The following CAMTA2 variants were observed in gnomAD, a reference collection of about 807,000 sequenced individuals.
CAMTA2 encodes calmodulin binding transcription activator 2.
A neutral mutation model predicts 135.7 loss-of-function variants in CAMTA2; 56 were observed. The ratio of observed to expected loss-of-function variants is 0.41; its 90% CI spans 0.33 to 0.52. The LOEUF (loss-of-function observed/expected upper bound fraction) is 0.52. Ranked by LOEUF, CAMTA2 falls within the 20% of genes least tolerant of loss-of-function variation. The pLI is 0.16. For missense variants in CAMTA2, 1,358 were observed against 1,553.4 expected (o/e 0.87, Z 2.11); for synonymous variants, 591 against 604.6 (o/e 0.98, Z 0.33).
At chr17:4,972,644 G>T in intron 15 of CAMTA2, 108 bp from the exon 16 acceptor site, 1 of 1,436,660 alleles carries the variant, frequency 7.0e-7, no homozygotes, top group Non-Finnish European at 9.8e-7. Flanking sequence ...TCTTGCTTCT[G>T]TTATCTCCCA....
rs985226374 is a variant in CAMTA2, at chr17:4,985,023, A to AC, written c.135+856_135+857insG. On this transcript the variant is annotated intron_variant, in intron 3 of 22. Coordinates refer to ENST00000348066, the MANE Select transcript of CAMTA2 (RefSeq NM_015099.4). ...CAGAGCGAGACTCCATCTCAAAAAA[A>AC]AAACAAACAAAAATTAGCCGGGCGT... Among the ~76,000 whole-genome samples, 5 of 125,828 alleles carry AC rather than the reference A, an allele frequency of 4.0e-5. 1 individual carries two copies. Among genetic ancestry groups the AC allele is most frequent in the African/African-American group, 1.3e-4 (5 of 37,408 alleles). The allele number at this position is 125,828 out of a possible 152,430, so 82.5% of individuals were successfully genotyped here. A position where few individuals can be genotyped will look rare whatever the true frequency, so the allele number is the denominator to read the frequency against.
Position 4,969,311 on chromosome 17 carries a change from C to G in CAMTA2, c.3309G>C (p.Gln1103His). The G allele has an allele frequency of 1.2e-6, 2 of 1,613,996 alleles. No homozygotes were observed. The highest frequency in any genetic ancestry group is 1.7e-6 in the Non-Finnish European group (2 of 1,179,994). ...ACTTGCTCTGGATCAGGATGGCCGC[C>G]TGGGTCATCTTCTTATAGAGTGCAA... ...LKFALYKKMT[Q>H]AAILIQSKFR... The change falls in exon 21 of 23, where the codon CAG becomes CAC. Residue 1103 changes from glutamine (Q) to histidine (H), a missense_variant. Around this residue, in one of 4 missense-constraint regions of CAMTA2, gnomAD observed 167 missense variants for 207.0 expected, o/e 0.81. Coordinates refer to ENST00000348066, the MANE Select transcript of CAMTA2 (RefSeq NM_015099.4). The surrounding 1 kb of genome is among the most constrained non-coding windows in gnomAD (Gnocchi z 5.6).
At chr17:4,986,839 C>T (rs1404234044) in intron 1 of CAMTA2, 6 of 819,540 alleles carry the variant, frequency 7.3e-6, no homozygotes, top group Non-Finnish European at 1.2e-5. Flanking sequence ...AGAATCTGGG[C>T]CAGACACCCA....
chr17:4,980,391 G>C lies in CAMTA2; in HGVS notation c.931C>G (p.Pro311Ala). 1 of 1,614,074 alleles carries C rather than the reference G, an allele frequency of 6.2e-7. No homozygotes were observed. Among genetic ancestry groups the C allele is most frequent in the Non-Finnish European group, 8.5e-7 (1 of 1,179,990 alleles). ...FAEPLEIRPS[P>A]PTSRGGSSRG... ...GAAGAACCCCCTCGAGAAGTGGGAGGGCTAGGTCTGATTTCTAGGGGCTCT... is the reference window on the plus strand; with the variant it reads ...GAAGAACCCCCTCGAGAAGTGGGAGCGCTAGGTCTGATTTCTAGGGGCTCT... Residue 311 changes from proline (P) to alanine (A), a missense_variant, in exon 9 of 23, where the codon CCT (proline) becomes GCT (alanine). By Grantham distance (27) the Pro-to-Ala change is conservative. This residue lies in a region of CAMTA2 where 1,077 missense variants were observed against 1,127.5 expected (regional missense o/e 0.96). Coordinates refer to ENST00000348066, the MANE Select transcript of CAMTA2 (RefSeq NM_015099.4). This position sits in a 1 kb window ranked among gnomAD's most constrained non-coding sequence, Gnocchi z 5.3.
rs1973247439 is a variant in CAMTA2, at chr17:4,985,895, C to A, written c.120G>T (p.Arg40=). The change falls in exon 3 of 23, where the codon CGG becomes CGT. Residue 40 remains arginine, a synonymous_variant. Coordinates refer to ENST00000348066, the MANE Select transcript of CAMTA2 (RefSeq NM_015099.4). ...RCPLLPPERL[R]WNTNEEIASY... ...CCTAGAAAACCTCATTTGTATTCCA[C>A]CGTAGCCTCTCTGGAGGCAGCAGCG... is the stretch of plus-strand genomic sequence containing the variant. The A allele has an allele frequency of 6.2e-7, 1 of 1,613,274 alleles. No individual in the cohort carries two copies. Among genetic ancestry groups the A allele is most frequent in the African/African-American group, 1.3e-5 (1 of 75,018 alleles).
rs1972945498 is a variant in CAMTA2 at position 4,981,272 on chromosome 17, G to A, written c.653C>T (p.Thr218Ile). The A allele has an allele frequency of 6.2e-7, 1 of 1,614,036 alleles. No homozygotes were observed. The highest frequency in any genetic ancestry group is 8.5e-7 in the Non-Finnish European group (1 of 1,180,018). The stretch of plus-strand genomic sequence containing the variant: ...GGCGTGGGTTCGGGGAGCAGGCTTG[G>A]TTGGGTGGGTGTCCAAAATCTGCTG... Reference protein sequence around the residue: ...LVQQILDTHPTKPAPRTHACL... With the variant: ...LVQQILDTHPIKPAPRTHACL... The change falls in exon 8 of 23, where the codon ACC becomes ATC. Residue 218 changes from threonine (T) to isoleucine (I), a missense_variant. Coordinates refer to ENST00000348066, the MANE Select transcript of CAMTA2 (RefSeq NM_015099.4).
chr17:4,969,444 A>T lies in CAMTA2; in HGVS notation c.3282+56T>A. ...ATGCAAGACTCTCTGTAACCCACAC[A>T]CTCAAGGAAAGACTGAATCATCACA... On this transcript the variant is annotated intron_variant, in intron 20 of 22. Transcript: ENST00000348066. This position sits in a 1 kb window ranked among gnomAD's most constrained non-coding sequence, Gnocchi z 5.6. 2 of 1,611,074 alleles carry T rather than the reference A, an allele frequency of 1.2e-6. No individual in the cohort carries two copies. The highest frequency in any genetic ancestry group is 1.1e-5 in the South Asian group (1 of 91,018).
At chr17:4,979,642 A>G in intron 9 of CAMTA2, 42 bp downstream of exon 9, 1 of 1,418,790 alleles carries the variant, frequency 7.0e-7, no homozygotes. Context: ...GAGTCAGAAG[A>G]CAAATAGGAG....
Position 4,968,065 on chromosome 17 carries a change from G to GC in CAMTA2, c.*690dup, listed in dbSNP as rs2151151733. ...TGCACAAGTAGAAAGTGCCCGTGGA[G>GC]CCGGCAGGAGGCCCCCGCCGCGCTA... On this transcript the variant is annotated 3_prime_UTR_variant, in exon 23 of 23. Coordinates refer to ENST00000348066, the MANE Select transcript of CAMTA2 (RefSeq NM_015099.4). 2 of 511,092 alleles carry GC rather than the reference G, an allele frequency of 3.9e-6. No homozygotes were observed. The highest frequency in any genetic ancestry group is 7.4e-5 in the Admixed American group (2 of 27,110). The allele number at this position is 511,092 out of a possible 1,614,324, so 31.7% of individuals were successfully genotyped here.
At chr17:4,971,726 T>A (rs1467209217) in intron 16 of CAMTA2, among the ~76,000 whole-genome samples, 1 of 148,432 alleles carries the variant, frequency 6.7e-6, no homozygotes, top group Non-Finnish European at 1.5e-5. Context: ...TCTCAGTCTG[T>A]CACCCAGGCT....
At position 4,969,833 on chromosome 17, in the gene CAMTA2, A is replaced by G; in HGVS notation, c.3189+69T>C. 3.1e-6 allele frequency: 5 copies of G among 1,597,372 alleles called. No homozygotes were observed. The highest frequency in any genetic ancestry group is 4.3e-6 in the Non-Finnish European group (5 of 1,167,382). On this transcript the variant is annotated intron_variant, in intron 18 of 22. Coordinates refer to ENST00000348066, the MANE Select transcript of CAMTA2 (RefSeq NM_015099.4). The surrounding 1 kb of genome is among the most constrained non-coding windows in gnomAD (Gnocchi z 5.6). ...TGTCTGCACGACTACTCATCCTCCA[A>G]AAGCCCTGGGAGCCCAGTCTCCCCT...
In CAMTA2 at chr17:4,987,644, A is replaced by ACT; in HGVS notation, c.-117_-116insAG. On this transcript the variant is annotated 5_prime_UTR_variant, in exon 1 of 23. Transcript: ENST00000348066. ...GCAGCGGCCATTCTACCCCACACCG[A>ACT]CCCCCCCCAGCGCCGGCTGACAGCG... is the stretch of plus-strand genomic sequence containing the variant. The ACT allele has an allele frequency of 6.7e-7, 1 of 1,501,382 alleles. No homozygotes were observed. Among genetic ancestry groups the ACT allele is most frequent in the African/African-American group, 1.4e-5 (1 of 69,500 alleles). The allele number at this position is 1,501,382 out of a possible 1,614,324, so 93.0% of individuals were successfully genotyped here. A position where few individuals can be genotyped will look rare whatever the true frequency, so the allele number is the denominator to read the frequency against.
Position 4,969,250 on chromosome 17 carries a change from T to G in CAMTA2, c.3370A>C (p.Ser1124Arg). 9 of 1,613,940 alleles carry G rather than the reference T, an allele frequency of 5.6e-6. No individual in the cohort carries two copies. Among genetic ancestry groups the G allele is most frequent in the Non-Finnish European group, 6.8e-6 (8 of 1,180,020 alleles). ...SYYEQKRFQQ[S>R]RRAAVLIQQH... Reference sequence around the variant, plus strand: ...TGGATGAGCACAGCCGCTCGGCGGCTCTGCTGAAATCGCTTCTGTTCATAG... The same window carrying G: ...TGGATGAGCACAGCCGCTCGGCGGCGCTGCTGAAATCGCTTCTGTTCATAG... The change falls in exon 21 of 23, where the codon AGC becomes CGC. Residue 1124 changes from serine (S) to arginine (R), a missense_variant. Ser to Arg is a moderately radical substitution (Grantham distance 110, BLOSUM62 -1). This residue lies in a region of CAMTA2 where 167 missense variants were observed against 207.0 expected (regional missense o/e 0.81). Coordinates refer to ENST00000348066, the MANE Select transcript of CAMTA2 (RefSeq NM_015099.4). This position sits in a 1 kb window ranked among gnomAD's most constrained non-coding sequence, Gnocchi z 5.6.
In CAMTA2 at chr17:4,975,234, A is replaced by G. The variant is rs181142376; in HGVS notation, c.1901-734T>C. On this transcript the variant is annotated intron_variant, in intron 11 of 22. Coordinates refer to ENST00000348066, the MANE Select transcript of CAMTA2 (RefSeq NM_015099.4). The stretch of plus-strand genomic sequence containing the variant: ...CGGTGAAGGTTGGAGATGTTCTGAG[A>G]TGCCAGGATAGAAGGGGATGAAGGT... 9.6e-4 allele frequency among the ~76,000 whole-genome samples: 146 copies of G among 152,240 alleles called. 1 individual carries two copies. The highest frequency in any genetic ancestry group is 3.4e-3 in the African/African-American group (142 of 41,518).
At chr17:4,974,556 A>G in intron 11 of CAMTA2, 56 bp from the exon 12 acceptor site, 1 of 1,040,836 alleles carries the variant, frequency 9.6e-7, no homozygotes, top group Non-Finnish European at 1.5e-6. Flanking sequence ...TGCCCTGAAC[A>G]CCAAAAGTAG....
intron 9 of CAMTA2, 62 bp downstream of exon 9, chr17:4,979,622 T>C (rs921119362): frequency 5.8e-6 from 7 of 1,206,954 alleles, no homozygotes; most frequent in Non-Finnish European, 8.4e-6. Context: ...TTAATACAAT[T>C]TGTTTTGGGG....
At chr17:4,984,888 G>A (rs890072488) in intron 3 of CAMTA2, among the ~76,000 whole-genome samples, 7 of 152,120 alleles carry the variant, frequency 4.6e-5, no homozygotes, top group South Asian at 2.1e-4. Context: ...GTGTGGTGGC[G>A]TGCCTGTAGT....
At chr17:4,986,038 T>C in intron 2 of CAMTA2, 55 bp from the exon 3 acceptor site, 1 of 1,342,136 alleles carries the variant, frequency 7.5e-7, no homozygotes, top group Non-Finnish European at 1.1e-6. Flanking sequence ...ATCCCTGTGA[T>C]AGTCCAAGGG....
At chr17:4,986,589 C>CT (rs1247043989) in intron 1 of CAMTA2, 1 of 511,626 alleles carries the variant, frequency 2.0e-6, no homozygotes, top group Non-Finnish European at 3.4e-6. Flanking sequence ...TTTGCACAGA[C>CT]TGGGGCTATG....
Sources: allele counts gnomAD v4.1 joint callset (sites outside exome capture counted in the v4.1 genomes callset), GRCh38; gene constraint gnomAD v4.1.1; regional missense constraint gnomAD v4.1.1; non-coding constraint Gnocchi (gnomAD v3.1); transcripts MANE v1.5; gene names NCBI Gene and HGNC (gene_info 2026-07-23, HGNC 2026-07-21).